ANKRD30A: variants seen among roughly 807,000 people sequenced by gnomAD.
ANKRD30A encodes ankyrin repeat domain 30A.
A neutral mutation model predicts 166.3 loss-of-function variants in ANKRD30A; 170 were observed. That is an observed-to-expected ratio of 1.02 (90% CI 0.90 to 1.16). The LOEUF (loss-of-function observed/expected upper bound fraction) is 1.16. Ranked by LOEUF, ANKRD30A falls within the 50% of genes most tolerant of loss-of-function variation. The probability of loss-of-function intolerance (pLI) is 0.00; values close to 1 mark genes in which losing one functional copy is unlikely to be tolerated. For missense variants in ANKRD30A, 1,630 were observed against 1,518.0 expected, an observed-to-expected ratio of 1.07 and a Z score of -1.23; for synonymous variants, 564 against 508.9, an observed-to-expected ratio of 1.11 and a Z score of -1.46.
chr10:37,256,794 G>T, the ANKRD30A span, among the ~76,000 whole-genome samples: 1 of 152,152 alleles, frequency 6.6e-6, no homozygotes, highest in Admixed American at 6.5e-5. Context: ...GATTCATTTT[G>T]CCAGTCTTTT....
At chr10:37,250,290 A>G in the ANKRD30A span, among the ~76,000 whole-genome samples, 3 of 152,082 alleles carry the variant, frequency 2.0e-5, no homozygotes, top group Non-Finnish European at 2.9e-5. Context: ...AAGTTCTTGA[A>G]AGATGAGTAG....
At chr10:37,212,457 T>C (rs990008814) in intron 31 of ANKRD30A, among the ~76,000 whole-genome samples, 1 of 152,000 alleles carries the variant, frequency 6.6e-6, no homozygotes, top group Admixed American at 6.6e-5. Context: ...AGGTAATTTA[T>C]CGATTCAATG....
At chr10:37,179,113 A>G (rs2132636324) in intron 24 of ANKRD30A, among the ~76,000 whole-genome samples, 2 of 150,034 alleles carry the variant, frequency 1.3e-5, no homozygotes, top group Admixed American at 6.6e-5. Flanking sequence ...TGAATAAGAT[A>G]TACTTGAATG....
At chr10:37,255,418 A>T in the ANKRD30A span, among the ~76,000 whole-genome samples, 33 of 152,250 alleles carry the variant, frequency 2.2e-4, no homozygotes, top group Middle Eastern at 0.01. Context: ...ATATACAATT[A>T]AAAAAATGGT....
chr10:37,132,134 A>G, intron 3 of ANKRD30A, 106 bp from the exon 4 acceptor site: 1 of 724,738 alleles, frequency 1.4e-6, no homozygotes, highest in Non-Finnish European at 2.1e-6. Context: ...CTATTGATTT[A>G]CTTTCTATTT....
At chr10:37,226,735 G>A (rs1588960815) in intron 34 of ANKRD30A, among the ~76,000 whole-genome samples, 1 of 151,774 alleles carries the variant, frequency 6.6e-6, no homozygotes, top group South Asian at 2.1e-4. Context: ...TGAGTCATAT[G>A]GTAGTCTATG....
intron 31 of ANKRD30A, among the ~76,000 whole-genome samples, chr10:37,215,199 G>A (rs1842541026): frequency 6.6e-6 from 1 of 151,350 alleles, no homozygotes; most frequent in Non-Finnish European, 1.5e-5. Flanking sequence ...CCCCACACCT[G>A]AGGGGCAAGG....
chr10:37,236,562 C>T (rs556660207), downstream of ANKRD30A, among the ~76,000 whole-genome samples: 7 of 152,140 alleles, frequency 4.6e-5, no homozygotes, highest in Non-Finnish European at 1.0e-4. Context: ...AATCTTCCCT[C>T]CTCCCAAGAA....
chr10:37,157,419 GCAGTGGCA>G (rs1838467380), intron 13 of ANKRD30A, among the ~76,000 whole-genome samples: 1 of 152,208 alleles, frequency 6.6e-6, no homozygotes, highest in South Asian at 2.1e-4. Flanking sequence ...AGGCTGGAGT[GCAGTGGCA>G]TGATCTTGGC....
At chr10:37,137,673 G>C (rs1189260325) in intron 6 of ANKRD30A, among the ~76,000 whole-genome samples, 3 of 152,142 alleles carry the variant, frequency 2.0e-5, no homozygotes, top group Non-Finnish European at 2.9e-5. Context: ...AGTGAGGTTG[G>C]GGGAGGGACG....
At chr10:37,165,323 G>A (rs1175005921) in intron 18 of ANKRD30A, among the ~76,000 whole-genome samples, 168 bp downstream of exon 18, 1 of 152,210 alleles carries the variant, frequency 6.6e-6, no homozygotes. Context: ...GTAGATTCCT[G>A]CTTCACAGTG....
At chr10:37,161,070 G>A (rs1437351415) in intron 15 of ANKRD30A, among the ~76,000 whole-genome samples, 1 of 152,164 alleles carries the variant, frequency 6.6e-6, no homozygotes, top group Admixed American at 6.5e-5. Flanking sequence ...TGACTAACAA[G>A]GCGAAACCCT....
intron 14 of ANKRD30A, 43 bp from the exon 15 acceptor site, chr10:37,158,464 TTATGAAG>T: frequency 6.2e-7 from 1 of 1,612,238 alleles, no homozygotes; most frequent in South Asian, 1.1e-5. Flanking sequence ...ACTACATATT[TTATGAAG>T]TATACATTGT....
chr10:37,206,993 T>G lies in ANKRD30A; in HGVS notation c.2869+5668T>G, dbSNP rs561182968. ...ACAATTAAGTTGTTGAATACATATT[T>G]CAATATTGAAAGTTTTTTATACATT... On this transcript the variant is annotated intron_variant, in intron 31 of 35. Coordinates refer to ENST00000361713, the MANE Select transcript of ANKRD30A (RefSeq NM_052997.3). 7.9e-5 allele frequency among the ~76,000 whole-genome samples: 12 copies of G among 152,250 alleles called. No individual in the cohort carries two copies. The South Asian group carries it at 2.5e-3, about 32-fold the overall frequency.
In ANKRD30A at chr10:37,158,468, G is replaced by T. The variant is rs776257857; in HGVS notation, c.1828-46G>T. On this transcript the variant is annotated intron_variant, in intron 14 of 35. Coordinates refer to ENST00000361713, the MANE Select transcript of ANKRD30A (RefSeq NM_052997.3). ...CTTGAGTATCAACTACATATTTTAT[G>T]AAGTATACATTGTATATTAATTGTT... 6 of 1,612,684 alleles carry T rather than the reference G, an allele frequency of 3.7e-6. No individual in the cohort carries two copies. The South Asian group carries it at 6.6e-5, about 18-fold the overall frequency.
the ANKRD30A span, among the ~76,000 whole-genome samples, chr10:37,239,146 C>T: frequency 1.3e-5 from 2 of 152,052 alleles, no homozygotes; most frequent in South Asian, 4.2e-4. Flanking sequence ...GAAATAATCC[C>T]ACACATTTCA....
intron 15 of ANKRD30A, among the ~76,000 whole-genome samples, chr10:37,159,673 T>A (rs1298508755): frequency 2.6e-5 from 4 of 152,160 alleles, no homozygotes; most frequent in East Asian, 1.9e-4. Context: ...TTTTCTTCTA[T>A]TTTTGTTTGT....
chr10:37,151,206 T>C (rs1837909839), intron 11 of ANKRD30A, among the ~76,000 whole-genome samples: 10 of 152,168 alleles, frequency 6.6e-5, no homozygotes, highest in Admixed American at 6.5e-4. Flanking sequence ...ATTCAAATAG[T>C]TGTAATTTGT....
rs1232546079 is a variant in ANKRD30A at position 37,219,538 on chromosome 10, G to A, written c.3826G>A (p.Glu1276Lys). 1 of 1,610,150 alleles carries A rather than the reference G, an allele frequency of 6.2e-7. No homozygotes were observed. The highest frequency in any genetic ancestry group is 1.3e-5 in the African/African-American group (1 of 74,582). The change falls in exon 34 of 36, where the codon GAA becomes AAA. Residue 1276 changes from glutamate to lysine, a missense_variant. Glu to Lys is a moderately conservative substitution (Grantham distance 56). Transcript: ENST00000361713. ...CAATTATGCAGGAGATGCTCTAAGA[G>A]AAAATACATTGGTTTCAGAACATGC... The part of the protein sequence containing the change: ...NLNYAGDALR[E>K]NTLVSEHAQR...
Sources: gnomAD v4.1 joint callset for allele counts (sites outside exome capture counted in the v4.1 genomes callset) on GRCh38, gnomAD v4.1.1 for gene constraint, MANE v1.5 for transcripts, NCBI Gene and HGNC (gene_info 2026-07-23, HGNC 2026-07-21) for gene names.